The following DUXB variants were observed in gnomAD, a reference collection of about 807,000 sequenced individuals.
DUXB encodes the protein double homeobox protein B.
Under a neutral mutation model 8.9 loss-of-function variants are expected in DUXB, and 22 were observed. The observed-to-expected ratio is 2.46, with a 90% CI of 1.76 to 3.52. The LOEUF (loss-of-function observed/expected upper bound fraction) is 3.52, where lower values mean the gene tolerates loss of function less well. Ranked by LOEUF, DUXB falls within the 30% of genes most tolerant of loss-of-function variation. The pLI is 0.00. For missense variants in DUXB, 237 were observed against 108.7 expected, an observed-to-expected ratio of 2.18 and a Z score of -5.25; for synonymous variants, 84 against 37.6, an observed-to-expected ratio of 2.23 and a Z score of -4.52.
chr16:75,694,541 G>A lies in DUXB; in HGVS notation c.442-16C>T. ...GAAACCACATCTAAATGAGAAAAAG[G>A]GCAACATGACATCATAAGACATAAG... On this transcript the variant is annotated splice_polypyrimidine_tract_variant and intron_variant, in intron 4 of 4. Transcript: ENST00000633875. 2 of 702,764 alleles carry A rather than the reference G, an allele frequency of 2.8e-6. No homozygotes were observed. The highest frequency in any genetic ancestry group is 2.6e-6 in the Non-Finnish European group (1 of 384,956). 43.5% of individuals were successfully genotyped at this position (702,764 alleles called of 1,614,324 possible).
chr16:75,695,387 T>G (rs535523011), intron 4 of DUXB, among the ~76,000 whole-genome samples: 1 of 152,244 alleles, frequency 6.6e-6, no homozygotes, highest in Non-Finnish European at 1.5e-5. Flanking sequence ...CAAACACAAA[T>G]AAATGTATTT....
At chr16:75,696,680 T>C (rs2082610055) in intron 3 of DUXB, among the ~76,000 whole-genome samples, 158 bp downstream of exon 3, 1 of 152,236 alleles carries the variant, frequency 6.6e-6, no homozygotes, top group South Asian at 2.1e-4. Context: ...TTTACTTCTA[T>C]AACAAACTTA....
At chr16:75,699,180 T>C (rs1959197955) in intron 2 of DUXB, among the ~76,000 whole-genome samples, 1 of 152,194 alleles carries the variant, frequency 6.6e-6, no homozygotes, top group African/African-American at 2.4e-5. Context: ...AGATTTAACT[T>C]AAGTTTCATT....
intron 3 of DUXB, 88 bp from the exon 4 acceptor site, chr16:75,696,203 C>G: frequency 1.5e-6 from 1 of 659,716 alleles, no homozygotes; most frequent in East Asian, 2.7e-5. Flanking sequence ...CATATTTGTT[C>G]TCTCTGAATC....
chr16:75,697,763 G>A (rs1008643147), intron 2 of DUXB, among the ~76,000 whole-genome samples: 6 of 152,206 alleles, frequency 3.9e-5, no homozygotes, highest in Non-Finnish European at 8.8e-5. Flanking sequence ...TGCACAGCAG[G>A]AGGTGAGTGG....
chr16:75,700,837 G>C (rs1959206306), intron 1 of DUXB, among the ~76,000 whole-genome samples: 1 of 151,940 alleles, frequency 6.6e-6, no homozygotes, highest in African/African-American at 2.4e-5. Flanking sequence ...TTTTACTTTA[G>C]GCATAGAGCT....
intron 2 of DUXB, among the ~76,000 whole-genome samples, chr16:75,697,752 C>G (rs2082620235): frequency 6.6e-6 from 1 of 152,202 alleles, no homozygotes; most frequent in South Asian, 2.1e-4. Flanking sequence ...AGGAACTGGG[C>G]TGCACAGCAG....
intron 2 of DUXB, among the ~76,000 whole-genome samples, chr16:75,697,868 T>C (rs904576651): frequency 5.9e-5 from 9 of 152,280 alleles, no homozygotes; most frequent in African/African-American, 2.2e-4. Flanking sequence ...CTGTGAACTG[T>C]GCAGTTGAGG....
chr16:75,696,245 AGC>A (rs2082606184), intron 3 of DUXB, 130 bp from the exon 4 acceptor site: 1 of 618,828 alleles, frequency 1.6e-6, no homozygotes, highest in Non-Finnish European at 2.9e-6. Flanking sequence ...ATTGCTCTGC[AGC>A]AGGACCAAAA....
chr16:75,700,520 ATTG>A (rs1167453731), intron 1 of DUXB, among the ~76,000 whole-genome samples: 2 of 151,148 alleles, frequency 1.3e-5, no homozygotes, highest in Non-Finnish European at 2.9e-5. Flanking sequence ...TATTATTATT[ATTG>A]TTACTATTTT....
Position 75,700,164 on chromosome 16 carries a change from G to A in DUXB, c.31C>T (p.Leu11Phe). MNLEGTSGGI[L>F]QKEFWRNRIQ... ...CTGTTTCTCCAGAATTCTTTTTGAA[G>A]TATGCCTGATGAACAGAAAAGGGGG... is the stretch of plus-strand genomic sequence containing the variant. Residue 11 changes from leucine (L) to phenylalanine (F), a missense_variant, in exon 2 of 5, where the codon CTT (leucine) becomes TTT (phenylalanine). Physicochemically the swap from Leu to Phe is conservative, Grantham distance 22. Coordinates refer to ENST00000633875, the MANE Select transcript of DUXB (RefSeq NM_001351307.2). 1 of 701,490 alleles carries A rather than the reference G, an allele frequency of 1.4e-6. No individual in the cohort carries two copies. The highest frequency in any genetic ancestry group is 2.6e-6 in the Non-Finnish European group (1 of 384,516). The allele number at this position is 701,490 out of a possible 1,614,324, so 43.5% of individuals were successfully genotyped here. A position where few individuals can be genotyped will look rare whatever the true frequency, so the allele number is the denominator to read the frequency against.
rs1288466090 is a variant in DUXB, at chr16:75,697,668, C to T, written c.181-725G>A. Reference sequence around the variant, plus strand: ...TAATGACAACGAATATCCAATAAACCACTCTTATATCATAGGCATTGTGCT... The same window carrying T: ...TAATGACAACGAATATCCAATAAACTACTCTTATATCATAGGCATTGTGCT... On this transcript the variant is annotated intron_variant, in intron 2 of 4. Coordinates refer to ENST00000633875, the MANE Select transcript of DUXB (RefSeq NM_001351307.2). 3.9e-5 allele frequency among the ~76,000 whole-genome samples: 6 copies of T among 152,218 alleles called. No individual in the cohort carries two copies. The South Asian group carries it at 1.0e-3, about 26-fold the overall frequency.
chr16:75,696,497 G>C (rs2082608469), intron 3 of DUXB, among the ~76,000 whole-genome samples: 1 of 152,178 alleles, frequency 6.6e-6, no homozygotes, highest in African/African-American at 2.4e-5. Context: ...GTTGCAGTGA[G>C]CTGAGATCAG....
chr16:75,697,772 G>T (rs901123677), intron 2 of DUXB, among the ~76,000 whole-genome samples: 2 of 152,182 alleles, frequency 1.3e-5, no homozygotes, highest in African/African-American at 2.4e-5. Flanking sequence ...GGAGGTGAGT[G>T]GAGGGCCAGT....
intron 2 of DUXB, 107 bp from the exon 3 acceptor site, chr16:75,697,050 A>G (rs1011590062): frequency 1.6e-6 from 1 of 630,508 alleles, no homozygotes; most frequent in East Asian, 2.7e-5. Flanking sequence ...TGGCTGGAAT[A>G]ATGCCCACAA....
At chr16:75,697,321 T>C (rs1423399440) in intron 2 of DUXB, among the ~76,000 whole-genome samples, 1 of 152,212 alleles carries the variant, frequency 6.6e-6, no homozygotes, top group Non-Finnish European at 1.5e-5. Flanking sequence ...ATAGGAAATA[T>C]CAGGTTTCAT....
intron 1 of DUXB, among the ~76,000 whole-genome samples, chr16:75,700,799 A>G (rs550935377): frequency 2.4e-4 from 37 of 152,080 alleles, no homozygotes; most frequent in African/African-American, 6.3e-4. Context: ...GAGCCACCGC[A>G]CCCGTACTGT....
chr16:75,699,252 A>G lies in DUXB; in HGVS notation c.180+763T>C, dbSNP rs76367163. Among the ~76,000 whole-genome samples the G allele has an allele frequency of 1.1e-3, 175 of 152,356 alleles. 1 individual carries two copies. The East Asian group carries it at 0.031, about 27-fold the overall frequency. ...GAATTTTATTTCAAACGCTATGTGT[A>G]TGAATCACATTTGAGACATTAAATT... On this transcript the variant is annotated intron_variant, in intron 2 of 4. Coordinates refer to ENST00000633875, the MANE Select transcript of DUXB (RefSeq NM_001351307.2).
At chr16:75,701,261 A>C (rs764294119) in intron 1 of DUXB, 133 bp downstream of exon 1, 8 of 396,916 alleles carry the variant, frequency 2.0e-5, no homozygotes, top group Non-Finnish European at 3.1e-5. Context: ...ACAATTTATC[A>C]GCGAAAAACA....
Sources: allele counts gnomAD v4.1 joint callset (sites outside exome capture counted in the v4.1 genomes callset), GRCh38; gene constraint gnomAD v4.1.1; transcripts MANE v1.5; gene names NCBI Gene and HGNC (gene_info 2026-07-23, HGNC 2026-07-21).